SLC24A4: variants seen among roughly 807,000 people sequenced by gnomAD.
The protein encoded by SLC24A4 is sodium/potassium/calcium exchanger 4.
In SLC24A4, 53 loss-of-function variants were observed where a neutral mutation model predicts 79.0. The observed-to-expected ratio is 0.67, with a 90% CI of 0.54 to 0.84. The LOEUF (loss-of-function observed/expected upper bound fraction) is 0.84. Ranked by LOEUF, SLC24A4 falls within the 40% of genes least tolerant of loss-of-function variation. SLC24A4 has a pLI of 0.00. For synonymous variants in SLC24A4, 323 were observed against 323.8 expected (o/e 1.00, Z 0.03); for missense variants, 731 against 822.0 (o/e 0.89, Z 1.35).
intron 2 of SLC24A4, among the ~76,000 whole-genome samples, chr14:92,400,682 A>C (rs527315984): frequency 6.6e-6 from 1 of 152,284 alleles, no homozygotes; most frequent in East Asian, 1.9e-4. Flanking sequence ...CTTTCAGATG[A>C]GACCATGTCG....
intron 2 of SLC24A4, among the ~76,000 whole-genome samples, chr14:92,380,839 A>G (rs952030756): frequency 2.0e-5 from 3 of 152,308 alleles, no homozygotes; most frequent in African/African-American, 7.2e-5. Flanking sequence ...GCTGGACTCA[A>G]GGTGCTGCCG....
intron 2 of SLC24A4, among the ~76,000 whole-genome samples, chr14:92,381,855 C>G (rs749147045): frequency 2.6e-5 from 4 of 152,124 alleles, no homozygotes; most frequent in African/African-American, 9.7e-5. Context: ...GCCTAGACAC[C>G]AGGATTGTTT....
intron 3 of SLC24A4, among the ~76,000 whole-genome samples, chr14:92,437,638 T>C (rs917097746): frequency 3.3e-5 from 5 of 152,262 alleles, no homozygotes; most frequent in African/African-American, 4.8e-5. Flanking sequence ...CCTCTGAATG[T>C]CAATGACCTG....
Position 92,463,421 on chromosome 14 carries a change from T to A in SLC24A4, c.1255+6813T>A, listed in dbSNP as rs1893929686. Among the ~76,000 whole-genome samples, 4 of 152,280 alleles carry A rather than the reference T, an allele frequency of 2.6e-5. No homozygotes were observed. The South Asian group carries it at 6.2e-4, about 24-fold the overall frequency. ...TTTACATGTGCAGTTCCATACACAG[T>A]TCTCGTCTGTTCCAGGCCCCCAGAG... On this transcript the variant is annotated intron_variant, in intron 12 of 16. Transcript: ENST00000532405.
At chr14:92,327,214 C>G (rs1885195864) in intron 2 of SLC24A4, among the ~76,000 whole-genome samples, 1 of 152,202 alleles carries the variant, frequency 6.6e-6, no homozygotes, top group Non-Finnish European at 1.5e-5. Flanking sequence ...CTATCAGCTT[C>G]CCTGCCCTCA....
chr14:92,368,517 C>T (rs1289517970), intron 2 of SLC24A4, among the ~76,000 whole-genome samples: 1 of 152,198 alleles, frequency 6.6e-6, no homozygotes, highest in Non-Finnish European at 1.5e-5. Flanking sequence ...AGGCTCACTG[C>T]TGAAGGTAAT....
intron 12 of SLC24A4, among the ~76,000 whole-genome samples, chr14:92,459,786 G>A (rs573042204): frequency 6.6e-5 from 10 of 152,258 alleles, no homozygotes; most frequent in African/African-American, 2.2e-4. Flanking sequence ...ATTGAGGCCC[G>A]GGGTAGGCAG....
In SLC24A4 at chr14:92,492,216, G is replaced by GT; in HGVS notation, c.1694dup (p.Leu565PhefsTer44). The GT allele has an allele frequency of 6.2e-7, 1 of 1,614,182 alleles. No homozygotes were observed. The highest frequency in any genetic ancestry group is 8.5e-7 in the Non-Finnish European group (1 of 1,180,018). The stretch of plus-strand genomic sequence containing the variant: ...GGGGGCTGGTCTATTCCGTGGTCCT[G>GT]TTGCTGGGCTCTGTCGCTCTCACCG... On this transcript the variant is annotated frameshift_variant, in exon 16 of 17. Coordinates refer to ENST00000532405, the MANE Select transcript of SLC24A4 (RefSeq NM_153646.4). LOFTEE classifies it high-confidence loss of function.
At chr14:92,410,213 ACT>A (rs1486550082) in intron 2 of SLC24A4, among the ~76,000 whole-genome samples, 3 of 152,156 alleles carry the variant, frequency 2.0e-5, no homozygotes, top group Non-Finnish European at 4.4e-5. Context: ...ATGAGGTCTC[ACT>A]CTGTCACCCA....
In SLC24A4 at chr14:92,483,401, T is replaced by C. The variant is rs541924632; in HGVS notation, c.1422+555T>C. On this transcript the variant is annotated intron_variant, in intron 13 of 16. Transcript: ENST00000532405. ...GGGGGAAATCGAGGCATAGAGAAAT[T>C]GAGTAATTTCCCCAAGGTTACACAG... 2.6e-5 allele frequency among the ~76,000 whole-genome samples: 4 copies of C among 152,266 alleles called. No individual in the cohort carries two copies. The East Asian group carries it at 7.7e-4, about 29-fold the overall frequency.
intron 9 of SLC24A4, among the ~76,000 whole-genome samples, chr14:92,447,895 A>C (rs1323004939): frequency 2.6e-5 from 4 of 152,230 alleles, no homozygotes; most frequent in Non-Finnish European, 5.9e-5. Flanking sequence ...AGTACTGAGG[A>C]TGCAAACTCA....
intron 2 of SLC24A4, among the ~76,000 whole-genome samples, chr14:92,388,354 G>A (rs1889280820): frequency 6.6e-6 from 1 of 152,158 alleles, no homozygotes; most frequent in East Asian, 1.9e-4. Flanking sequence ...TGGGACTCAG[G>A]GTGGGTCTTC....
At chr14:92,476,132 C>G (rs1325138314) in intron 12 of SLC24A4, among the ~76,000 whole-genome samples, 2 of 152,122 alleles carry the variant, frequency 1.3e-5, no homozygotes, top group African/African-American at 4.8e-5. Context: ...TGTATATACC[C>G]GCAAAGACGT....
chr14:92,416,023 A>G (rs924455305), intron 2 of SLC24A4, among the ~76,000 whole-genome samples: 1 of 152,132 alleles, frequency 6.6e-6, no homozygotes, highest in South Asian at 2.1e-4. Flanking sequence ...TGGTTTTCCA[A>G]TGCATGGGTT....
intron 14 of SLC24A4, among the ~76,000 whole-genome samples, chr14:92,488,078 T>C (rs1462486310): frequency 6.7e-6 from 1 of 149,292 alleles, no homozygotes; most frequent in African/African-American, 2.5e-5. Context: ...CTTCCTCTTT[T>C]TTTTTTTTTT....
chr14:92,351,849 G>T (rs546686562), intron 2 of SLC24A4, among the ~76,000 whole-genome samples: 6 of 151,242 alleles, frequency 4.0e-5, no homozygotes, highest in South Asian at 2.1e-4. Flanking sequence ...GGGTGACAGG[G>T]TGAGATCTTG....
chr14:92,491,813 C>T (rs1304554531), intron 15 of SLC24A4, 36 bp downstream of exon 15: 1 of 1,531,700 alleles, frequency 6.5e-7, no homozygotes, highest in Non-Finnish European at 9.0e-7. Flanking sequence ...TGTGTTTTAC[C>T]CAGAAGGCTA....
chr14:92,364,313 A>G (rs945530735), intron 2 of SLC24A4, among the ~76,000 whole-genome samples: 6 of 151,882 alleles, frequency 4.0e-5, no homozygotes, highest in African/African-American at 1.5e-4. Context: ...TCTTTGGGTG[A>G]CCCCCATCCT....
chr14:92,417,819 G>A (rs145350054), intron 2 of SLC24A4, among the ~76,000 whole-genome samples: 5 of 152,364 alleles, frequency 3.3e-5, no homozygotes, highest in African/African-American at 1.2e-4. Flanking sequence ...TGGCTTTGGA[G>A]CAGCAGGCTT....
Sources: gnomAD v4.1 joint callset for allele counts (sites outside exome capture counted in the v4.1 genomes callset) on GRCh38, gnomAD v4.1.1 for gene constraint, MANE v1.5 for transcripts, NCBI Gene and HGNC (gene_info 2026-07-23, HGNC 2026-07-21) for gene names.